MTUS2: variants seen among roughly 807,000 people sequenced by gnomAD.
MTUS2 encodes microtubule-associated tumor suppressor candidate 2.
A neutral mutation model predicts 114.1 loss-of-function variants in MTUS2; 40 were observed. That is an observed-to-expected ratio of 0.35 (90% CI 0.27 to 0.46). MTUS2 has a LOEUF of 0.46. Ranked by LOEUF, MTUS2 falls within the 20% of genes least tolerant of loss-of-function variation. The probability of loss-of-function intolerance (pLI) is 1.00; values close to 1 mark genes in which losing one functional copy is unlikely to be tolerated. For synonymous variants in MTUS2, 688 were observed against 672.0 expected (o/e 1.02, Z -0.37); for missense variants, 1,679 against 1,705.4 (o/e 0.98, Z 0.27).
At chr13:28,856,400 A>G (rs1016292928) in intron 2 of MTUS2, among the ~76,000 whole-genome samples, 52 of 152,212 alleles carry the variant, frequency 3.4e-4, no homozygotes, top group African/African-American at 1.3e-3. Flanking sequence ...TGTGGGATGC[A>G]TGCTCAGTCT....
At chr13:29,139,889 C>G (rs1032592917) in intron 5 of MTUS2, among the ~76,000 whole-genome samples, 4 of 152,188 alleles carry the variant, frequency 2.6e-5, no homozygotes, top group Admixed American at 6.5e-5. Flanking sequence ...TCCCCTTCCT[C>G]TGGCGCTCTC....
intron 6 of MTUS2, among the ~76,000 whole-genome samples, chr13:29,290,225 C>T (rs2139571571): frequency 6.6e-6 from 1 of 152,324 alleles, no homozygotes; most frequent in Admixed American, 6.5e-5. Context: ...TAAAAGGTAG[C>T]TCTTTCCTAG....
intron 2 of MTUS2, among the ~76,000 whole-genome samples, chr13:28,958,906 A>C (rs1883192147): frequency 6.6e-6 from 1 of 152,242 alleles, no homozygotes; most frequent in Admixed American, 6.5e-5. Flanking sequence ...ATATTTAACA[A>C]ATTTTTAAAA....
At chr13:29,044,951 A>G (rs1203954455) in intron 4 of MTUS2, among the ~76,000 whole-genome samples, 1 of 152,164 alleles carries the variant, frequency 6.6e-6, no homozygotes, top group Non-Finnish European at 1.5e-5. Context: ...GACCACCTTC[A>G]GCTCATAGGG....
intron 2 of MTUS2, among the ~76,000 whole-genome samples, chr13:28,910,029 G>T (rs1880309377): frequency 6.6e-6 from 1 of 152,142 alleles, no homozygotes; most frequent in Admixed American, 6.6e-5. Flanking sequence ...TATCCTTTGT[G>T]TTACAATCCA....
intron 8 of MTUS2, among the ~76,000 whole-genome samples, chr13:29,409,091 G>A (rs531855297): frequency 2.9e-4 from 44 of 152,276 alleles, no homozygotes; most frequent in Middle Eastern, 6.8e-3. Context: ...AGGCCGAGGC[G>A]GGTGGATCAC....
intron 7 of MTUS2, among the ~76,000 whole-genome samples, chr13:29,356,903 G>A (rs1869786904): frequency 6.6e-6 from 1 of 152,184 alleles, no homozygotes; most frequent in African/African-American, 2.4e-5. Context: ...GTAGTTTGGT[G>A]TCACAGAGCG....
At chr13:29,391,691 A>T (rs1873487722) in intron 8 of MTUS2, among the ~76,000 whole-genome samples, 2 of 151,866 alleles carry the variant, frequency 1.3e-5, no homozygotes, top group African/African-American at 4.8e-5. Context: ...TATAGTAAAT[A>T]AATGATAAAA....
intron 3 of MTUS2, among the ~76,000 whole-genome samples, chr13:29,031,272 T>TGTGTGTGTGTGTGTGTGTGTG (rs1593400903): frequency 2.2e-5 from 3 of 134,212 alleles, no homozygotes; most frequent in Non-Finnish European, 3.2e-5. Flanking sequence ...GTGTGTGTGG[T>TGTGTGTGTGTGTGTGTGTGTG]GTGTGTTCAC....
rs140740503 is a variant in MTUS2 at position 29,346,651 on chromosome 13, G to A, written c.2906-12611G>A. On this transcript the variant is annotated intron_variant, in intron 7 of 15. Transcript: ENST00000612955. ...CACCTGCAGCAGCTTCTGTGCGCCTGTCTGTACTCCCAGATCACCTCCTCT... is the reference window on the plus strand; with the variant it reads ...CACCTGCAGCAGCTTCTGTGCGCCTATCTGTACTCCCAGATCACCTCCTCT... Among the ~76,000 whole-genome samples, 139 of 128,578 alleles carry A rather than the reference G, an allele frequency of 1.1e-3. 2 individuals carry two copies. Among genetic ancestry groups the A allele is most frequent in the Non-Finnish European group, 1.9e-3 (119 of 62,786 alleles). The allele number at this position is 128,578 out of a possible 152,430, so 84.4% of individuals were successfully genotyped here.
chr13:29,307,323 T>G (rs1899517638), intron 6 of MTUS2: 1 of 684,524 alleles, frequency 1.5e-6, no homozygotes, highest in Admixed American at 2.1e-5. Flanking sequence ...ATGCTGTCCC[T>G]GCCACCCAGA....
intron 1 of MTUS2, among the ~76,000 whole-genome samples, chr13:28,837,426 G>A (rs1875167746): frequency 6.6e-6 from 1 of 152,102 alleles, no homozygotes; most frequent in South Asian, 2.1e-4. Context: ...CCGGTGGTCT[G>A]TAGACCCTAG....
At chr13:29,171,306 T>TGAG (rs1365133645) in intron 5 of MTUS2, among the ~76,000 whole-genome samples, 1 of 152,178 alleles carries the variant, frequency 6.6e-6, no homozygotes, top group Non-Finnish European at 1.5e-5. Context: ...TATGGAACGT[T>TGAG]GAGCACAATT....
intron 2 of MTUS2, among the ~76,000 whole-genome samples, chr13:28,890,844 T>G (rs892397764): frequency 2.0e-5 from 3 of 152,220 alleles, no homozygotes; most frequent in Non-Finnish European, 4.4e-5. Flanking sequence ...CTCCAGGGAT[T>G]CCACTTCATT....
intron 4 of MTUS2, among the ~76,000 whole-genome samples, chr13:29,053,538 A>G (rs1312231140): frequency 6.6e-6 from 1 of 152,126 alleles, no homozygotes; most frequent in African/African-American, 2.4e-5. Flanking sequence ...AATCCCCTGA[A>G]TTTCCCTTTT....
intron 5 of MTUS2, among the ~76,000 whole-genome samples, chr13:29,197,069 TACTTTA>T (rs1022451953): frequency 1.3e-5 from 2 of 152,202 alleles, no homozygotes; most frequent in Non-Finnish European, 1.5e-5. Flanking sequence ...TTTTTTATTA[TACTTTA>T]ACTTCTGGGA....
chr13:29,467,927 C>G (rs550118235), intron 9 of MTUS2, among the ~76,000 whole-genome samples: 3 of 151,954 alleles, frequency 2.0e-5, no homozygotes, highest in African/African-American at 4.8e-5. Context: ...CCAGCTGAGG[C>G]AACACTGAGA....
intron 5 of MTUS2, among the ~76,000 whole-genome samples, chr13:29,244,548 C>T (rs1385329029): frequency 1.3e-5 from 2 of 152,144 alleles, no homozygotes; most frequent in Non-Finnish European, 2.9e-5. Flanking sequence ...GGCATGAACA[C>T]ACTGGCAGGA....
At chr13:28,863,198 C>A (rs1877097120) in intron 2 of MTUS2, among the ~76,000 whole-genome samples, 1 of 152,212 alleles carries the variant, frequency 6.6e-6, no homozygotes. Flanking sequence ...CTTCTGCATT[C>A]TTTCCTACTT....
Sources: gnomAD v4.1 joint callset for allele counts (sites outside exome capture counted in the v4.1 genomes callset) on GRCh38, gnomAD v4.1.1 for gene constraint, MANE v1.5 for transcripts, NCBI Gene and HGNC (gene_info 2026-07-23, HGNC 2026-07-21) for gene names.